Variants in NTF3 observed in about 807,000 individuals in gnomAD.
NTF3 encodes the protein neurotrophin 3.
In NTF3, 8 loss-of-function variants were observed where a neutral mutation model predicts 26.3. That is an observed-to-expected ratio of 0.30 (90% CI 0.18 to 0.55). NTF3 has a LOEUF of 0.55. NTF3 is among the 20% of genes least tolerant of loss of function. NTF3 has a pLI of 0.93. For missense variants in NTF3, 276 were observed against 352.9 expected (o/e 0.78, Z 1.75); for synonymous variants, 154 against 145.5 (o/e 1.06, Z -0.42).
Position 5,441,000 on chromosome 12 carries a change from C to T in NTF3, c.18+8658C>T, listed in dbSNP as rs902092732. The stretch of plus-strand genomic sequence containing the variant: ...ACTGAAGAAACAAGCTTGCCAGATT[C>T]GTGGCGGATCTTGGATTGGAAGTTG... On this transcript the variant is annotated intron_variant, in intron 1 of 1. Coordinates refer to ENST00000423158, the MANE Select transcript of NTF3 (RefSeq NM_001102654.2). Among the ~76,000 whole-genome samples the T allele has an allele frequency of 3.9e-5, 6 of 152,196 alleles. No homozygotes were observed. The East Asian group carries it at 5.8e-4, about 15-fold the overall frequency.
chr12:5,471,861 T>C (rs1342216683), intron 1 of NTF3, among the ~76,000 whole-genome samples: 1 of 151,982 alleles, frequency 6.6e-6, no homozygotes, highest in Non-Finnish European at 1.5e-5. Flanking sequence ...TGGTGGGTGA[T>C]AAAAGGGCTT....
At chr12:5,478,317 T>G (rs34916342) in intron 1 of NTF3, among the ~76,000 whole-genome samples, 40,019 of 152,256 alleles carry the variant, frequency 0.26, 5,408 homozygotes, top group South Asian at 0.34. Context: ...ATCCATGCAT[T>G]GTAAATTCTG....
intron 1 of NTF3, among the ~76,000 whole-genome samples, chr12:5,474,335 T>C (rs562602763): frequency 6.6e-6 from 1 of 152,330 alleles, no homozygotes; most frequent in South Asian, 2.1e-4. Flanking sequence ...GAGAAGTCTT[T>C]CTCAGAGACG....
intron 1 of NTF3, among the ~76,000 whole-genome samples, chr12:5,432,766 C>G (rs1940112762): frequency 6.6e-6 from 1 of 152,036 alleles, no homozygotes; most frequent in African/African-American, 2.4e-5. Flanking sequence ...GAAAGAGATT[C>G]AACAGAATCA....
At chr12:5,447,829 G>A (rs542787727) in intron 1 of NTF3, among the ~76,000 whole-genome samples, 7 of 152,308 alleles carry the variant, frequency 4.6e-5, no homozygotes, top group African/African-American at 1.7e-4. Context: ...TGGGAACCTT[G>A]AGGAAGCACC....
chr12:5,443,631 A>G (rs939039226), intron 1 of NTF3, among the ~76,000 whole-genome samples: 2 of 152,232 alleles, frequency 1.3e-5, no homozygotes, highest in African/African-American at 4.8e-5. Context: ...CAAATCTAAG[A>G]TTCCTTCACA....
At chr12:5,432,483 T>C in intron 1 of NTF3, 141 bp downstream of exon 1, 1 of 1,004,826 alleles carries the variant, frequency 1.0e-6, no homozygotes, top group Non-Finnish European at 1.5e-6. Flanking sequence ...TCACTCACTT[T>C]CCCGGGCTTG....
chr12:5,479,677 CT>C (rs1940763889), intron 1 of NTF3, among the ~76,000 whole-genome samples: 1 of 152,212 alleles, frequency 6.6e-6, no homozygotes, highest in African/African-American at 2.4e-5. Context: ...GCAAAAGCCT[CT>C]CTTTATAGTT....
intron 1 of NTF3, among the ~76,000 whole-genome samples, chr12:5,480,012 C>T (rs1319876246): frequency 2.0e-5 from 3 of 152,100 alleles, no homozygotes; most frequent in African/African-American, 7.2e-5. Context: ...CCTGTGGTCT[C>T]AAGGAAAAAG....
chr12:5,446,479 G>A (rs1336577043), intron 1 of NTF3, among the ~76,000 whole-genome samples: 2 of 152,186 alleles, frequency 1.3e-5, no homozygotes, highest in Non-Finnish European at 2.9e-5. Flanking sequence ...TCTTGGGCTG[G>A]TCCTTCCAGG....
intron 1 of NTF3, among the ~76,000 whole-genome samples, chr12:5,464,227 T>C (rs370944157): frequency 1.6e-4 from 24 of 152,208 alleles, no homozygotes; most frequent in East Asian, 1.2e-3. Flanking sequence ...GTTCGTGTGC[T>C]AGACATTGTG....
chr12:5,445,077 A>G (rs982242587), intron 1 of NTF3, among the ~76,000 whole-genome samples: 1 of 152,234 alleles, frequency 6.6e-6, no homozygotes, highest in African/African-American at 2.4e-5. Context: ...GATTTCATTC[A>G]GGATCAAAAA....
chr12:5,432,240 C>CGG lies in NTF3; in HGVS notation c.-82_-81dup. On this transcript the variant is annotated 5_prime_UTR_variant, in exon 1 of 2. Coordinates refer to ENST00000423158, the MANE Select transcript of NTF3 (RefSeq NM_001102654.2). ...TTCCCCTGCTGGGTAGTGGCTGCGG[C>CGG]GGGGTGGGGGAGACTTTGAATGACC... The CGG allele has an allele frequency of 7.0e-7, 1 of 1,437,678 alleles. No individual in the cohort carries two copies. The highest frequency in any genetic ancestry group is 9.8e-7 in the Non-Finnish European group (1 of 1,023,522). 89.1% of individuals were successfully genotyped at this position (1,437,678 alleles called of 1,614,324 possible).
intron 1 of NTF3, among the ~76,000 whole-genome samples, chr12:5,485,957 C>T (rs191370389): frequency 7.8e-4 from 119 of 152,310 alleles, no homozygotes; most frequent in African/African-American, 2.2e-3. Flanking sequence ...AGGGGAGAGA[C>T]ACCTGGAGGA....
rs71583812 is a variant in NTF3, at chr12:5,432,815, A to G, written c.18+473A>G. Among the ~76,000 whole-genome samples the G allele has an allele frequency of 4.8e-3, 727 of 152,182 alleles. 3 individuals are homozygous for G. Among genetic ancestry groups the G allele is most frequent in the Non-Finnish European group, 5.8e-3 (395 of 67,992 alleles). ...CCCAACCGACCCGCCTGCTCCTCCG[A>G]GAAAGCTCCTAGCGCATCCTATAAC... On this transcript the variant is annotated intron_variant, in intron 1 of 1. Transcript: ENST00000423158.
At chr12:5,467,742 T>C (rs1400893072) in intron 1 of NTF3, among the ~76,000 whole-genome samples, 1 of 152,178 alleles carries the variant, frequency 6.6e-6, no homozygotes, top group Non-Finnish European at 1.5e-5. Context: ...AATGCTAAAA[T>C]CTTGCTTCTC....
At chr12:5,452,517 C>T (rs985479732) in intron 1 of NTF3, among the ~76,000 whole-genome samples, 6 of 152,182 alleles carry the variant, frequency 3.9e-5, no homozygotes, top group Non-Finnish European at 8.8e-5. Context: ...ACTTTTTATA[C>T]TACAGTTGCC....
At chr12:5,439,230 C>T (rs1458176789) in intron 1 of NTF3, among the ~76,000 whole-genome samples, 2 of 152,154 alleles carry the variant, frequency 1.3e-5, no homozygotes, top group African/African-American at 2.4e-5. Context: ...TATTAGAGTA[C>T]TTACTGGGTG....
chr12:5,448,988 C>T (rs569601330), intron 1 of NTF3, among the ~76,000 whole-genome samples: 40 of 152,278 alleles, frequency 2.6e-4, no homozygotes, highest in Admixed American at 8.5e-4. Context: ...CAAAAATGCA[C>T]GGTTCCTCAC....
Sources: gnomAD v4.1 joint callset for allele counts (sites outside exome capture counted in the v4.1 genomes callset) on GRCh38, gnomAD v4.1.1 for gene constraint, MANE v1.5 for transcripts, NCBI Gene and HGNC (gene_info 2026-07-23, HGNC 2026-07-21) for gene names.